Variants in URB2 observed in about 807,000 individuals in gnomAD.
URB2 encodes unhealthy ribosome biogenesis protein 2 homolog.
URB2 carries 86 observed loss-of-function variants against 120.9 expected under a neutral mutation model. That is an observed-to-expected ratio of 0.71 (90% CI 0.60 to 0.85). The LOEUF (loss-of-function observed/expected upper bound fraction) is 0.85, where lower values mean the gene tolerates loss of function less well. Ranked by LOEUF, URB2 falls within the 40% of genes least tolerant of loss-of-function variation. URB2 has a pLI of 0.00. For synonymous variants in URB2, 755 were observed against 758.4 expected (o/e 1.00, Z 0.07); for missense variants, 1,765 against 1,836.5 (o/e 0.96, Z 0.71).
chr1:229,633,413 TA>T lies in URB2; in HGVS notation c.303+972del, dbSNP rs1469230552. 2.6e-5 allele frequency among the ~76,000 whole-genome samples: 4 copies of T among 152,236 alleles called. No individual in the cohort carries two copies. The East Asian group carries it at 7.7e-4, about 29-fold the overall frequency. On this transcript the variant is annotated intron_variant, in intron 3 of 9. Coordinates refer to ENST00000258243, the MANE Select transcript of URB2 (RefSeq NM_014777.4). ...TTTTTATGTATGCTTCATAATTATA[TA>T]AAATGTTAGTGCTGCAGCATATGTG...
chr1:229,638,132 G>A lies in URB2; in HGVS notation c.3519G>A (p.Gln1173=). The change falls in exon 4 of 10, where the codon CAG becomes CAA. Residue 1173 remains glutamine, a synonymous_variant. Transcript: ENST00000258243. ...LELPALAGHD[Q]SFQAALQFLT... is the part of the protein sequence containing the mutation. ...TGCCAGCTCTCGCGGGACATGATCAGTCTTTTCAGGCAGCCTTGCAGTTTT... is the reference window on the plus strand; with the variant it reads ...TGCCAGCTCTCGCGGGACATGATCAATCTTTTCAGGCAGCCTTGCAGTTTT... 1 of 1,614,220 alleles carries A rather than the reference G, an allele frequency of 6.2e-7. No homozygotes were observed. The highest frequency in any genetic ancestry group is 8.5e-7 in the Non-Finnish European group (1 of 1,180,046).
chr1:229,650,415 T>C (rs1666240304), intron 7 of URB2, among the ~76,000 whole-genome samples: 1 of 152,148 alleles, frequency 6.6e-6, no homozygotes, highest in Non-Finnish European at 1.5e-5. Context: ...AAGAGGCATG[T>C]TTTGTCATCA....
Position 229,636,444 on chromosome 1 carries a change from T to C in URB2, c.1831T>C (p.Tyr611His), listed in dbSNP as rs1665822602. Residue 611 changes from tyrosine (Y) to histidine (H), a missense_variant, in exon 4 of 10, where the codon TAC (tyrosine) becomes CAC (histidine). Tyr to His is a moderately conservative substitution (Grantham distance 83). Transcript: ENST00000258243. Reference sequence around the variant, plus strand: ...CAGTGACTCTGTGCTCCTGCTCTCTTACACTTGGGCCCAGGTGGACGCTAT... The same window carrying C: ...CAGTGACTCTGTGCTCCTGCTCTCTCACACTTGGGCCCAGGTGGACGCTAT... ...KVSDSVLLLSYTWAQVDAMFS... is the reference protein window; with the variant it reads ...KVSDSVLLLSHTWAQVDAMFS... 6.2e-7 allele frequency: 1 copy of C among 1,614,254 alleles called. No homozygotes were observed. Among genetic ancestry groups the C allele is most frequent in the African/African-American group, 1.3e-5 (1 of 75,070 alleles).
chr1:229,655,798 G>A (rs1478609460), intron 9 of URB2, among the ~76,000 whole-genome samples: 1 of 152,212 alleles, frequency 6.6e-6, no homozygotes, highest in Non-Finnish European at 1.5e-5. Context: ...AAGAACAATA[G>A]TAAAATCACA....
chr1:229,653,005 T>C (rs2102799263), intron 8 of URB2, among the ~76,000 whole-genome samples: 1 of 152,384 alleles, frequency 6.6e-6, no homozygotes, highest in East Asian at 1.9e-4. Context: ...TCTAATATGC[T>C]CTTTCTAATG....
intron 9 of URB2, among the ~76,000 whole-genome samples, chr1:229,657,585 G>T (rs1481765283): frequency 6.6e-6 from 1 of 152,186 alleles, no homozygotes; most frequent in Non-Finnish European, 1.5e-5. Context: ...CACCCTGCCA[G>T]TATGATCAAG....
At chr1:229,640,159 A>G (rs1211213418) in intron 4 of URB2, among the ~76,000 whole-genome samples, 3 of 152,274 alleles carry the variant, frequency 2.0e-5, no homozygotes, top group African/African-American at 4.8e-5. Context: ...GATTGTTGCT[A>G]TTTTCTTATT....
At chr1:229,649,549 C>CAT (rs1197059991) in intron 7 of URB2, among the ~76,000 whole-genome samples, 3 of 152,144 alleles carry the variant, frequency 2.0e-5, no homozygotes, top group Non-Finnish European at 4.4e-5. Context: ...AGGATAATGA[C>CAT]ATGGTATTAC....
At chr1:229,645,310 T>C (rs561860399) in intron 5 of URB2, among the ~76,000 whole-genome samples, 13 of 151,690 alleles carry the variant, frequency 8.6e-5, no homozygotes, top group Non-Finnish European at 1.5e-5. Flanking sequence ...AGTTAAATTC[T>C]GCTCACTCTG....
At chr1:229,654,516 A>G in intron 9 of URB2, 128 bp downstream of exon 9, 1 of 1,371,878 alleles carries the variant, frequency 7.3e-7, no homozygotes. Flanking sequence ...AGTTTTAGAC[A>G]GGGTTTTGCT....
chr1:229,645,895 C>G lies in URB2; in HGVS notation c.3832C>G (p.Leu1278Val), dbSNP rs755958813. Residue 1278 changes from leucine (L) to valine (V), a missense_variant, in exon 6 of 10, where the codon CTG (leucine) becomes GTG (valine). Transcript: ENST00000258243. ...VSAVTLLRLLLNCPLSGEKAS... is the reference protein window; with the variant it reads ...VSAVTLLRLLVNCPLSGEKAS... ...AGCTGTTACACTGCTGAGGCTGCTA[C>G]TGAACTGCCCACTCAGTGGAGAGAA... 8.7e-6 allele frequency: 14 copies of G among 1,614,080 alleles called. No homozygotes were observed. Among genetic ancestry groups the G allele is most frequent in the Non-Finnish European group, 1.2e-5 (14 of 1,180,034 alleles).
In URB2 at chr1:229,636,746, C is replaced by G. The variant is rs764214951; in HGVS notation, c.2133C>G (p.Gly711=). 6.2e-5 allele frequency: 100 copies of G among 1,611,996 alleles called. No individual in the cohort carries two copies. The highest frequency in any genetic ancestry group is 8.4e-5 in the Non-Finnish European group (99 of 1,178,860). ...RCDAAFIIGS[G]RKSLNQRTTA... ...ATGCTGCCTTTATTATTGGTTCCGGCAGAAAAAGCTTGAATCAGAGAACGA... is the reference window on the plus strand; with the variant it reads ...ATGCTGCCTTTATTATTGGTTCCGGGAGAAAAAGCTTGAATCAGAGAACGA... The change falls in exon 4 of 10, where the codon GGC becomes GGG. Residue 711 remains glycine (G), a synonymous_variant. Transcript: ENST00000258243.
chr1:229,637,837 A>G lies in URB2; in HGVS notation c.3224A>G (p.Lys1075Arg). The G allele has an allele frequency of 6.2e-7, 1 of 1,606,858 alleles. No homozygotes were observed. The highest frequency in any genetic ancestry group is 8.5e-7 in the Non-Finnish European group (1 of 1,177,144). ...CTGGGACCTTTCCTCAAAGAGCAGA[A>G]GCTGGGCCAAGAGGCCCCAGCAGCA... Reference protein sequence around the residue: ...HVLGPFLKEQKLGQEAPAALS... With the variant: ...HVLGPFLKEQRLGQEAPAALS... Residue 1075 changes from lysine (K) to arginine (R), a missense_variant, in exon 4 of 10, where the codon AAG (lysine) becomes AGG (arginine). Transcript: ENST00000258243.
intron 7 of URB2, 36 bp from the exon 8 acceptor site, chr1:229,651,199 G>T: frequency 1.3e-6 from 2 of 1,563,454 alleles, no homozygotes. Context: ...AAATAATCAC[G>T]TATGTACTTT....
At chr1:229,648,637 T>C (rs1170633244) in intron 7 of URB2, among the ~76,000 whole-genome samples, 1 of 152,192 alleles carries the variant, frequency 6.6e-6, no homozygotes, top group Non-Finnish European at 1.5e-5. Context: ...TATTGATGAG[T>C]AAACTGAGGC....
Position 229,636,834 on chromosome 1 carries a change from C to A in URB2, c.2221C>A (p.His741Asn), listed in dbSNP as rs1665846738. 6.2e-7 allele frequency: 1 copy of A among 1,611,450 alleles called. No homozygotes were observed. Among genetic ancestry groups the A allele is most frequent in the African/African-American group, 1.3e-5 (1 of 74,838 alleles). ...ACTCACATACCCTGTAGCACACTGG[C>A]ACTTGATTGTGTCAAATCTCACAAT... is the stretch of plus-strand genomic sequence containing the variant. ...SGLTYPVAHW[H>N]LIVSNLTILI... The change falls in exon 4 of 10, where the codon CAC becomes AAC. Residue 741 changes from histidine to asparagine, a missense_variant. Physicochemically the swap from His to Asn is moderately conservative, Grantham distance 68. Coordinates refer to ENST00000258243, the MANE Select transcript of URB2 (RefSeq NM_014777.4).
At chr1:229,653,115 A>G (rs1666320562) in intron 8 of URB2, among the ~76,000 whole-genome samples, 2 of 152,250 alleles carry the variant, frequency 1.3e-5, no homozygotes, top group African/African-American at 2.4e-5. Flanking sequence ...GAAACAGTCA[A>G]TGTTAGATAT....
rs1264509279 is a variant in URB2, at chr1:229,635,526, G to T, written c.913G>T (p.Ala305Ser). 6.2e-7 allele frequency: 1 copy of T among 1,614,130 alleles called. No homozygotes were observed. Among genetic ancestry groups the T allele is most frequent in the Non-Finnish European group, 8.5e-7 (1 of 1,180,024 alleles). Residue 305 changes from alanine (A) to serine (S), a missense_variant, in exon 4 of 10, where the codon GCC becomes TCC. Transcript: ENST00000258243. ...TACCTCTGTTGTGGCCAACTCAGTG[G>T]CCTTGCTGTATAAGCTCTTTCTAGA... ...LHTSVVANSV[A>S]LLYKLFLDSY...
Position 229,635,293 on chromosome 1 carries a change from A to G in URB2, c.680A>G (p.Gln227Arg). Reference sequence around the variant, plus strand: ...CAGGCTGGCCAGGGCCAGCTGAGGCAGGTGCTGAGCCGGGACATCAGGAGT... The same window carrying G: ...CAGGCTGGCCAGGGCCAGCTGAGGCGGGTGCTGAGCCGGGACATCAGGAGT... The part of the protein sequence containing the change: ...WTQAGQGQLR[Q>R]VLSRDIRSQI... Residue 227 changes from glutamine to arginine, a missense_variant, in exon 4 of 10, where the codon CAG becomes CGG. Physicochemically the swap from Gln to Arg is conservative, Grantham distance 43 (BLOSUM62 1). Transcript: ENST00000258243. The G allele has an allele frequency of 6.2e-7, 1 of 1,614,212 alleles. No homozygotes were observed. The highest frequency in any genetic ancestry group is 8.5e-7 in the Non-Finnish European group (1 of 1,180,024).
Sources: allele counts gnomAD v4.1 joint callset (sites outside exome capture counted in the v4.1 genomes callset), GRCh38; gene constraint gnomAD v4.1.1; transcripts MANE v1.5; gene names NCBI Gene and HGNC (gene_info 2026-07-23, HGNC 2026-07-21).